MAPKBP1: variants seen among roughly 807,000 people sequenced by gnomAD.
MAPKBP1 encodes mitogen-activated protein kinase binding protein 1.
MAPKBP1 carries 71 observed loss-of-function variants against 170.5 expected under a neutral mutation model. The ratio of observed to expected loss-of-function variants is 0.42; its 90% confidence interval spans 0.34 to 0.51. The LOEUF (loss-of-function observed/expected upper bound fraction) is 0.51. MAPKBP1 is among the 20% of genes least tolerant of loss of function. The pLI is 0.06. For synonymous variants in MAPKBP1, 719 were observed against 757.9 expected, an observed-to-expected ratio of 0.95 and a Z score of 0.84; for missense variants, 1,598 against 1,933.0, an observed-to-expected ratio of 0.83 and a Z score of 3.25.
In MAPKBP1 at chr15:41,825,645, G is replaced by GC. The variant is rs2065078337; in HGVS notation, c.*211dup. 5 of 503,610 alleles carry GC rather than the reference G, an allele frequency of 9.9e-6. No individual in the cohort carries two copies. In the East Asian group the frequency reaches 1.7e-4, roughly 17 times the overall value. 31.2% of individuals were successfully genotyped at this position (503,610 alleles called of 1,614,324 possible). On this transcript the variant is annotated 3_prime_UTR_variant, in exon 31 of 31. Transcript: ENST00000457542. ...GTTGCCTCACTTCCTTGGAACTCCT[G>GC]CCTCCACAGCCCCTCCAGTGGCAGG...
At chr15:41,799,707 G>C in intron 2 of MAPKBP1, 116 bp from the exon 3 acceptor site, 4 of 737,304 alleles carry the variant, frequency 5.4e-6, no homozygotes, top group Non-Finnish European at 9.3e-6. Flanking sequence ...CCATTCTCCT[G>C]AAAACATGGG....
intron 4 of MAPKBP1, 96 bp from the exon 5 acceptor site, chr15:41,811,082 T>C (rs556594286): frequency 3.9e-6 from 6 of 1,535,974 alleles, no homozygotes; most frequent in East Asian, 2.2e-5. Context: ...ACATGTGCCA[T>C]TGGTGTCTGC....
intron 2 of MAPKBP1, among the ~76,000 whole-genome samples, chr15:41,786,765 A>C (rs1198276971): frequency 4.9e-5 from 1 of 20,548 alleles, no homozygotes; most frequent in African/African-American, 1.7e-4. Context: ...ACTCCGTCTA[A>C]AAAAAAAAAA....
rs1402855100 is a variant in MAPKBP1, at chr15:41,798,729, G to A, written c.115-1094G>A. ...GCCCTGCCACAAGCATCCACCCTAA[G>A]TGTTTCTGGTTTACATTGCCCTCTT... On this transcript the variant is annotated intron_variant, in intron 2 of 30. Coordinates refer to ENST00000457542, the MANE Select transcript of MAPKBP1 (RefSeq NM_014994.3). 2.6e-5 allele frequency among the ~76,000 whole-genome samples: 4 copies of A among 152,316 alleles called. No homozygotes were observed. In the East Asian group the frequency reaches 7.7e-4, roughly 29 times the overall value.
intron 2 of MAPKBP1, among the ~76,000 whole-genome samples, chr15:41,797,835 G>A (rs890664385): frequency 1.3e-5 from 2 of 152,106 alleles, no homozygotes; most frequent in Non-Finnish European, 2.9e-5. Flanking sequence ...ATAACCTTGG[G>A]GACCTTTCTG....
rs759167725 is a variant in MAPKBP1 at position 41,822,206 on chromosome 15, C to T, written c.3032-19C>T. The stretch of plus-strand genomic sequence containing the variant: ...CAGATGGGTGCAGTGCGATGCCTCT[C>T]TCCCCTCCCCACACCCAGACTCTGA... On this transcript the variant is annotated intron_variant, in intron 25 of 30. Transcript: ENST00000457542. The T allele has an allele frequency of 3.7e-6, 6 of 1,607,634 alleles. No individual in the cohort carries two copies. The South Asian group carries it at 4.4e-5, about 12-fold the overall frequency.
chr15:41,788,436 A>T (rs16972068), intron 2 of MAPKBP1, among the ~76,000 whole-genome samples: 4,952 of 152,282 alleles, frequency 0.033, 137 homozygotes, highest in South Asian at 0.069. Context: ...GAAGTTCTTT[A>T]CAAGGTTCTA....
Position 41,810,907 on chromosome 15 carries a change from C to A in MAPKBP1, c.231C>A (p.Pro77=), listed in dbSNP as rs547414773. The A allele has an allele frequency of 1.5e-5, 25 of 1,614,102 alleles. No homozygotes were observed. The South Asian group carries it at 2.6e-4, about 17-fold the overall frequency. The change falls in exon 4 of 31, where the codon CCC becomes CCA. Residue 77 remains proline, a synonymous_variant. Transcript: ENST00000457542. ...PAGCVVVLFN[P]RKHKQHHILN... ...GGTGTGTGGTTGTGTTGTTCAATCC[C>A]CGGAAACACAAACAGCACCACATCC...
At position 41,817,357 on chromosome 15, in the gene MAPKBP1, G is replaced by A; in HGVS notation, c.1712-31G>A. 6.2e-7 allele frequency: 1 copy of A among 1,608,264 alleles called. No homozygotes were observed. The highest frequency in any genetic ancestry group is 8.5e-7 in the Non-Finnish European group (1 of 1,174,616). On this transcript the variant is annotated intron_variant, in intron 14 of 30. Transcript: ENST00000457542. The surrounding 1 kb of genome is among the most constrained non-coding windows in gnomAD (Gnocchi z 4.2). ...AGGCTGCTCCCATGTGGTGAGAACA[G>A]TGGGAACAGCTGGGCTTCCCTCCTT...
At position 41,826,619 on chromosome 15, in the gene MAPKBP1, G is replaced by A. The variant is rs1000956142; in HGVS notation, c.*1183G>A. Reference sequence around the variant, plus strand: ...CTAGCTGATACGAGATAGCCCATAGGACACCTGGTTTAGGTAGAAGGAGCC... The same window carrying A: ...CTAGCTGATACGAGATAGCCCATAGAACACCTGGTTTAGGTAGAAGGAGCC... On this transcript the variant is annotated 3_prime_UTR_variant, in exon 31 of 31. Transcript: ENST00000457542. The A allele has an allele frequency of 6.6e-6, 1 of 151,898 alleles. No homozygotes were observed. Among genetic ancestry groups the A allele is most frequent in the African/African-American group, 2.4e-5 (1 of 41,320 alleles). 9.4% of individuals were successfully genotyped at this position (151,898 alleles called of 1,614,324 possible).
Position 41,826,384 on chromosome 15 carries a change from A to G in MAPKBP1, c.*948A>G, listed in dbSNP as rs2065095126. 1 of 152,108 alleles carries G rather than the reference A, an allele frequency of 6.6e-6. No individual in the cohort carries two copies. The highest frequency in any genetic ancestry group is 6.6e-5 in the Admixed American group (1 of 15,266). 9.4% of individuals were successfully genotyped at this position (152,108 alleles called of 1,614,324 possible). On this transcript the variant is annotated 3_prime_UTR_variant, in exon 31 of 31. Transcript: ENST00000457542. ...GCCACAGATGAGATCACACGCATGC[A>G]CGTGCACACATGTACACACACACAC... is the stretch of plus-strand genomic sequence containing the variant.
At chr15:41,774,942 G>A (rs1387641544) in intron 1 of MAPKBP1, 5 of 476,424 alleles carry the variant, frequency 1.0e-5, no homozygotes, top group Non-Finnish European at 1.8e-5. Flanking sequence ...CATCCATCTC[G>A]CCAGTTAAAC....
intron 1 of MAPKBP1, 70 bp downstream of exon 1, chr15:41,774,680 C>G (rs946995357): frequency 3.0e-5 from 12 of 398,920 alleles, no homozygotes; most frequent in African/African-American, 2.5e-4. Context: ...AGATAAAGGT[C>G]CAGAGCCGCT....
intron 7 of MAPKBP1, 108 bp from the exon 8 acceptor site, chr15:41,812,811 C>T: frequency 6.9e-7 from 1 of 1,457,946 alleles, no homozygotes; most frequent in South Asian, 1.4e-5. Context: ...AGGAGTAGGC[C>T]CAAAGAGCAA....
chr15:41,795,245 G>A (rs1437877088), intron 2 of MAPKBP1, among the ~76,000 whole-genome samples: 2 of 152,014 alleles, frequency 1.3e-5, no homozygotes, highest in African/African-American at 4.8e-5. Flanking sequence ...AGTAAAGCTA[G>A]TCTGGAAGGC....
chr15:41,806,232 A>C (rs1294053443), intron 3 of MAPKBP1, among the ~76,000 whole-genome samples: 2 of 152,210 alleles, frequency 1.3e-5, no homozygotes, highest in Non-Finnish European at 2.9e-5. Context: ...TGTGCTTTGG[A>C]AACAGTAGAA....
chr15:41,804,599 TC>T (rs2064657726), intron 3 of MAPKBP1, among the ~76,000 whole-genome samples: 1 of 152,222 alleles, frequency 6.6e-6, no homozygotes, highest in Admixed American at 6.5e-5. Context: ...CTGCCCGCTT[TC>T]TTCCTCACAC....
At chr15:41,813,135 T>A (rs768518790) in intron 8 of MAPKBP1, 34 bp downstream of exon 8, 8 of 1,577,220 alleles carry the variant, frequency 5.1e-6, no homozygotes, top group Non-Finnish European at 4.3e-6. Flanking sequence ...TAGGGTCTGC[T>A]CATGTCTCAG....
At chr15:41,782,123 G>A (rs1334849527) in intron 2 of MAPKBP1, among the ~76,000 whole-genome samples, 5 of 150,430 alleles carry the variant, frequency 3.3e-5, no homozygotes, top group Non-Finnish European at 7.4e-5. Flanking sequence ...TTAGCTGGGC[G>A]TGGTGGCGGG....
Sources: allele counts gnomAD v4.1 joint callset (sites outside exome capture counted in the v4.1 genomes callset), GRCh38; gene constraint gnomAD v4.1.1; non-coding constraint Gnocchi (gnomAD v3.1); transcripts MANE v1.5; gene names NCBI Gene and HGNC (gene_info 2026-07-23, HGNC 2026-07-21).